The following RBFOX1 variants were observed in gnomAD, a reference collection of about 807,000 sequenced individuals.
The protein encoded by RBFOX1 is RNA binding fox-1 homolog 1.
RBFOX1 carries 8 observed loss-of-function variants against 57.7 expected under a neutral mutation model. The observed-to-expected ratio is 0.14, with a 90% CI of 0.08 to 0.25. The LOEUF is 0.25. Ranked by LOEUF, RBFOX1 falls within the 10% of genes least tolerant of loss-of-function variation. The pLI, the probability that RBFOX1 is intolerant of heterozygous loss-of-function variation, is 1.00. For synonymous variants in RBFOX1, 326 were observed against 222.4 expected (o/e 1.47, Z -4.15); for missense variants, 611 against 548.5 (o/e 1.11, Z -1.14).
chr16:5,815,078 G>A (rs543061581), intron 3 of RBFOX1, among the ~76,000 whole-genome samples: 25 of 151,762 alleles, frequency 1.6e-4, no homozygotes, highest in Non-Finnish European at 3.5e-4. Context: ...CAACCTCCTG[G>A]GTTCAACAAT....
intron 3 of RBFOX1, among the ~76,000 whole-genome samples, chr16:6,730,265 T>C (rs918194584): frequency 2.6e-5 from 4 of 152,138 alleles, no homozygotes; most frequent in African/African-American, 7.2e-5. Context: ...CGTACACCAG[T>C]GTACGGCCCT....
At chr16:7,389,115 G>T (rs562508297) in intron 4 of RBFOX1, among the ~76,000 whole-genome samples, 49 of 151,820 alleles carry the variant, frequency 3.2e-4, no homozygotes, top group Non-Finnish European at 4.7e-4. Context: ...CTATTTCTTT[G>T]TTCCTTTTTA....
intron 3 of RBFOX1, among the ~76,000 whole-genome samples, chr16:5,656,596 T>C (rs1039251953): frequency 4.6e-5 from 7 of 152,206 alleles, no homozygotes; most frequent in African/African-American, 1.7e-4. Context: ...GATTGCTTAT[T>C]TATAATTGTT....
intron 1 of RBFOX1, among the ~76,000 whole-genome samples, chr16:6,160,095 C>G (rs1403775372): frequency 6.6e-6 from 1 of 152,118 alleles, no homozygotes; most frequent in Non-Finnish European, 1.5e-5. Flanking sequence ...AAATGCCAGG[C>G]CAGTCTGACA....
chr16:7,250,293 T>G (rs2094458088), intron 4 of RBFOX1, among the ~76,000 whole-genome samples: 1 of 152,234 alleles, frequency 6.6e-6, no homozygotes, highest in African/African-American at 2.4e-5. Flanking sequence ...AACAAATGCT[T>G]TTTTTGCTGT....
intron 4 of RBFOX1, among the ~76,000 whole-genome samples, chr16:7,489,611 A>G (rs1421990179): frequency 6.6e-6 from 1 of 151,806 alleles, no homozygotes; most frequent in African/African-American, 2.4e-5. Context: ...GAACTCCCGG[A>G]CTCAAGAAAT....
chr16:6,603,889 C>T (rs1445547025), intron 2 of RBFOX1, among the ~76,000 whole-genome samples: 1 of 152,074 alleles, frequency 6.6e-6, no homozygotes, highest in Non-Finnish European at 1.5e-5. Flanking sequence ...AGTTTTGATC[C>T]CACACTTTGT....
At chr16:7,325,047 C>T (rs1048998134) in intron 4 of RBFOX1, among the ~76,000 whole-genome samples, 1 of 152,166 alleles carries the variant, frequency 6.6e-6, no homozygotes, top group African/African-American at 2.4e-5. Context: ...TCACAAGTTG[C>T]ATTTGTTAGC....
chr16:6,294,964 G>A (rs899484529), intron 1 of RBFOX1, among the ~76,000 whole-genome samples: 1 of 152,018 alleles, frequency 6.6e-6, no homozygotes, highest in Non-Finnish European at 1.5e-5. Context: ...TTATTCTTCC[G>A]GATTTTCAGG....
rs141331098 is a variant in RBFOX1, at chr16:7,244,022, A to G, written c.27+191924A>G. 6.1e-3 allele frequency among the ~76,000 whole-genome samples: 936 copies of G among 152,224 alleles called. 8 individuals are homozygous for G. Among genetic ancestry groups the G allele is most frequent in the African/African-American group, 0.02 (829 of 41,542 alleles). ...GAGAATGTTCATAGCTTTTAAATCA[A>G]TATCTCAAAATGATCTTTGTTTTCA... On this transcript the variant is annotated intron_variant, in intron 4 of 15. Transcript: ENST00000550418.
intron 1 of RBFOX1, among the ~76,000 whole-genome samples, chr16:5,411,182 C>T (rs578107527): frequency 1.7e-4 from 26 of 152,346 alleles, no homozygotes; most frequent in African/African-American, 6.0e-4. Flanking sequence ...AAGATATCAA[C>T]ACCTTAATCC....
chr16:6,344,764 T>C (rs893870743), intron 2 of RBFOX1, among the ~76,000 whole-genome samples: 6 of 145,980 alleles, frequency 4.1e-5, no homozygotes, highest in Non-Finnish European at 7.5e-5. Context: ...GATCTCGGCT[T>C]ACTGCAACCT....
At chr16:5,735,597 GTAA>G (rs200347018) in intron 3 of RBFOX1, among the ~76,000 whole-genome samples, 3,260 of 152,246 alleles carry the variant, frequency 0.021, 71 homozygotes, top group Non-Finnish European at 0.029. Context: ...AGTTGTCCAT[GTAA>G]TAAGTACGTG....
intron 4 of RBFOX1, among the ~76,000 whole-genome samples, chr16:5,970,070 G>A (rs1271398082): frequency 6.6e-6 from 1 of 152,106 alleles, no homozygotes; most frequent in Non-Finnish European, 1.5e-5. Flanking sequence ...TGCTGCCACT[G>A]CCTCTTGGTC....
At chr16:7,198,761 T>A (rs775190676) in intron 4 of RBFOX1, among the ~76,000 whole-genome samples, 4 of 152,202 alleles carry the variant, frequency 2.6e-5, no homozygotes, top group Non-Finnish European at 5.9e-5. Context: ...TCTCGTAATC[T>A]AATCACCTCT....
At chr16:5,531,918 G>A (rs4786698) in intron 2 of RBFOX1, among the ~76,000 whole-genome samples, 1 of 151,340 alleles carries the variant, frequency 6.6e-6, no homozygotes, top group African/African-American at 2.4e-5. Context: ...TCCTGCCTCA[G>A]CCTCCTGAAT....
At chr16:6,020,023 C>T in intron 1 of RBFOX1, 31 bp downstream of exon 1, 2 of 1,462,218 alleles carry the variant, frequency 1.4e-6, no homozygotes, top group Non-Finnish European at 1.8e-6. Context: ...TGCCTCTGCA[C>T]CCACCCTGAC....
At chr16:6,861,717 A>T (rs17141574) in intron 3 of RBFOX1, among the ~76,000 whole-genome samples, 2 of 151,528 alleles carry the variant, frequency 1.3e-5, no homozygotes, top group African/African-American at 4.9e-5. Context: ...AAGGCCCGGA[A>T]GTCTTCAGGA....
intron 3 of RBFOX1, among the ~76,000 whole-genome samples, chr16:5,702,686 G>A (rs1240530535): frequency 1.3e-5 from 2 of 152,126 alleles, no homozygotes; most frequent in Non-Finnish European, 2.9e-5. Flanking sequence ...AGTATCAATT[G>A]ACCCATCTGT....
Sources: gnomAD v4.1 joint callset for allele counts (sites outside exome capture counted in the v4.1 genomes callset) on GRCh38, gnomAD v4.1.1 for gene constraint, MANE v1.5 for transcripts, NCBI Gene and HGNC (gene_info 2026-07-23, HGNC 2026-07-21) for gene names.